Variants in ADGRV1 observed in about 807,000 individuals in gnomAD.
ADGRV1 encodes the protein adhesion G protein-coupled receptor V1.
A neutral mutation model predicts 596.2 loss-of-function variants in ADGRV1; 359 were observed. The observed-to-expected ratio is 0.60, with a 90% CI of 0.55 to 0.66. The LOEUF (loss-of-function observed/expected upper bound fraction) is 0.66, where lower values mean the gene tolerates loss of function less well. Among genes scored for constraint, ADGRV1 ranks in the 30% least tolerant of loss-of-function variants. ADGRV1 has a pLI of 0.00. For synonymous variants in ADGRV1, 2,681 were observed against 2,679.2 expected (o/e 1.00, Z -0.02); for missense variants, 7,274 against 7,575.6 (o/e 0.96, Z 1.48).
chr5:90,690,461 A>G (rs764860345), intron 30 of ADGRV1, among the ~76,000 whole-genome samples: 6 of 152,174 alleles, frequency 3.9e-5, no homozygotes, highest in Non-Finnish European at 7.3e-5. Context: ...TTTCCTGCAT[A>G]ACATCAGTCA....
chr5:91,099,137 C>T (rs917726269), intron 86 of ADGRV1, among the ~76,000 whole-genome samples: 39 of 152,098 alleles, frequency 2.6e-4, no homozygotes, highest in African/African-American at 9.2e-4. Flanking sequence ...AGAAATTATT[C>T]ATCTACGTAA....
intron 89 of ADGRV1, among the ~76,000 whole-genome samples, chr5:91,161,426 TTTG>T (rs1452209357): frequency 1.3e-5 from 2 of 151,970 alleles, no homozygotes; most frequent in Non-Finnish European, 2.9e-5. Flanking sequence ...CCATGGGTTT[TTTG>T]TTGTTGTTTT....
chr5:90,737,693 C>A (rs989536248), intron 50 of ADGRV1, among the ~76,000 whole-genome samples: 5 of 151,748 alleles, frequency 3.3e-5, no homozygotes, highest in African/African-American at 1.2e-4. Context: ...TCTTCTTTGT[C>A]CCTTTTTATA....
intron 17 of ADGRV1, among the ~76,000 whole-genome samples, chr5:90,650,365 T>C (rs1289010292): frequency 6.6e-6 from 1 of 152,222 alleles, no homozygotes; most frequent in African/African-American, 2.4e-5. Context: ...TTAGGTTTTA[T>C]TATTATTTAT....
chr5:90,775,849 A>G lies in ADGRV1; in HGVS notation c.12404-604A>G, dbSNP rs1290606004. Among the ~76,000 whole-genome samples, 6 of 152,132 alleles carry G rather than the reference A, an allele frequency of 3.9e-5. No individual in the cohort carries two copies. The South Asian group carries it at 1.0e-3, about 26-fold the overall frequency. The stretch of plus-strand genomic sequence containing the variant: ...TCTTGATTCCATTAATCCATTGCCA[A>G]AGAAAGTGAGAGTATAGTGATACAG... On this transcript the variant is annotated intron_variant, in intron 60 of 89. Transcript: ENST00000405460.
chr5:90,704,748 T>C (rs185840475), intron 36 of ADGRV1, among the ~76,000 whole-genome samples: 141 of 152,318 alleles, frequency 9.3e-4, no homozygotes, highest in African/African-American at 3.3e-3. Context: ...TAGAATTTTT[T>C]TGAAATTAAT....
rs547499848 is a variant in ADGRV1 at position 90,688,249 on chromosome 5, A to C, written c.6491-1612A>C. On this transcript the variant is annotated intron_variant, in intron 29 of 89. Transcript: ENST00000405460. ...CCCTCAGAAATAACGCCGCATATCT[A>C]CAACTATCTGATCTTTGACAAACCT... is the stretch of plus-strand genomic sequence containing the variant. Among the ~76,000 whole-genome samples the C allele has an allele frequency of 4.5e-4, 68 of 152,324 alleles. 1 individual carries two copies. The East Asian group carries it at 0.012, about 26-fold the overall frequency.
chr5:90,596,507 A>C (rs1001687900), intron 1 of ADGRV1, among the ~76,000 whole-genome samples: 1 of 152,124 alleles, frequency 6.6e-6, no homozygotes, highest in East Asian at 1.9e-4. Flanking sequence ...ACCATTGAGC[A>C]CTGAGTGAAC....
chr5:91,000,706 G>GTGTGTT (rs1781787995), intron 85 of ADGRV1, among the ~76,000 whole-genome samples: 1 of 141,064 alleles, frequency 7.1e-6, no homozygotes, highest in African/African-American at 2.6e-5. Flanking sequence ...GTGTGTGTGT[G>GTGTGTT]TGTTTATAGA....
chr5:91,127,096 C>T (rs888112050), intron 87 of ADGRV1, among the ~76,000 whole-genome samples: 2 of 152,122 alleles, frequency 1.3e-5, no homozygotes, highest in African/African-American at 4.8e-5. Context: ...CTGGTAGGTG[C>T]TGTACCAGAC....
At chr5:90,899,162 C>A (rs1453488002) in intron 83 of ADGRV1, 2 of 152,062 alleles carry the variant, frequency 1.3e-5, no homozygotes, top group Non-Finnish European at 2.9e-5. Context: ...TTAAAAATTC[C>A]TTCTTTAAAT....
intron 22 of ADGRV1, among the ~76,000 whole-genome samples, chr5:90,673,571 G>A (rs1472186530): frequency 6.6e-6 from 1 of 152,068 alleles, no homozygotes; most frequent in Non-Finnish European, 1.5e-5. Flanking sequence ...ACGTCTGAGA[G>A]CAGGGTGCCT....
intron 83 of ADGRV1, among the ~76,000 whole-genome samples, chr5:90,939,816 C>A (rs956125965): frequency 1.3e-5 from 2 of 152,090 alleles, no homozygotes; most frequent in African/African-American, 4.8e-5. Flanking sequence ...CTTAGAAAAG[C>A]CCTGTAAGTT....
intron 83 of ADGRV1, among the ~76,000 whole-genome samples, chr5:90,885,708 A>T (rs966542274): frequency 6.6e-6 from 1 of 152,166 alleles, no homozygotes; most frequent in African/African-American, 2.4e-5. Context: ...GGAGATAAGG[A>T]GTGCCAGGAG....
chr5:91,145,671 A>G (rs1795477645), intron 87 of ADGRV1, among the ~76,000 whole-genome samples: 1 of 152,138 alleles, frequency 6.6e-6, no homozygotes, highest in Non-Finnish European at 1.5e-5. Context: ...ACTCTAATTC[A>G]AGGGGAAATA....
intron 1 of ADGRV1, among the ~76,000 whole-genome samples, chr5:90,595,337 G>C (rs1204029005): frequency 2.3e-4 from 15 of 64,566 alleles, no homozygotes; most frequent in South Asian, 5.6e-4. Flanking sequence ...CCGGGCGGGG[G>C]GCTGACCCCC....
At chr5:91,134,509 G>A (rs1288474973) in intron 87 of ADGRV1, among the ~76,000 whole-genome samples, 2 of 152,058 alleles carry the variant, frequency 1.3e-5, no homozygotes, top group Non-Finnish European at 2.9e-5. Context: ...CTGCTTCTTT[G>A]TGCTCAGACT....
chr5:90,683,954 C>T lies in ADGRV1; in HGVS notation c.6033C>T (p.Val2011=). 1 of 1,613,830 alleles carries T rather than the reference C, an allele frequency of 6.2e-7. No individual in the cohort carries two copies. Among genetic ancestry groups the T allele is most frequent in the East Asian group, 2.2e-5 (1 of 44,860 alleles). ...IIRLKGLMGK[V]LVSYATLDDM... ...GGTTGAAAGGCCTCATGGGAAAAGTCCTTGTCTCATATGCAACACTAGATG... is the reference window on the plus strand; with the variant it reads ...GGTTGAAAGGCCTCATGGGAAAAGTTCTTGTCTCATATGCAACACTAGATG... The change falls in exon 28 of 90, where the codon GTC becomes GTT. Residue 2011 remains valine (V), a synonymous_variant. Coordinates refer to ENST00000405460, the MANE Select transcript of ADGRV1 (RefSeq NM_032119.4).
intron 85 of ADGRV1, among the ~76,000 whole-genome samples, chr5:91,016,888 A>T (rs1435066571): frequency 6.6e-6 from 1 of 151,786 alleles, no homozygotes; most frequent in Non-Finnish European, 1.5e-5. Flanking sequence ...ACAGGGATGA[A>T]AAGGGAAGCT....
Sources: allele counts gnomAD v4.1 joint callset (sites outside exome capture counted in the v4.1 genomes callset), GRCh38; gene constraint gnomAD v4.1.1; transcripts MANE v1.5; gene names NCBI Gene and HGNC (gene_info 2026-07-23, HGNC 2026-07-21).